Variants in TMEM198 observed in about 807,000 individuals in gnomAD.
TMEM198 encodes the protein transmembrane protein 198.
TMEM198 carries 21 observed loss-of-function variants against 31.5 expected under a neutral mutation model. The ratio of observed to expected loss-of-function variants is 0.67; its 90% CI spans 0.47 to 0.96. TMEM198 has a LOEUF of 0.96. Among genes scored for constraint, TMEM198 ranks in the 40% least tolerant of loss-of-function variants. The pLI, the probability that TMEM198 is intolerant of heterozygous loss-of-function variation, is 0.00. For missense variants in TMEM198, 447 were observed against 499.4 expected (o/e 0.89, Z 1.00); for synonymous variants, 211 against 223.3 (o/e 0.95, Z 0.49).
At chr2:219,546,834 A>G (rs1196054891) in intron 2 of TMEM198, among the ~76,000 whole-genome samples, 1 of 143,048 alleles carries the variant, frequency 7.0e-6, no homozygotes, top group African/African-American at 2.6e-5. Flanking sequence ...GCTGGAATGC[A>G]ATGGTGCGAT....
At chr2:219,548,402 T>A (rs547061919) in intron 3 of TMEM198, among the ~76,000 whole-genome samples, 8 of 152,104 alleles carry the variant, frequency 5.3e-5, no homozygotes, top group Non-Finnish European at 1.0e-4. Context: ...TCCAGTTGTG[T>A]AGAGTGATAT....
At chr2:219,548,412 T>C (rs7597875) in intron 3 of TMEM198, among the ~76,000 whole-genome samples, 73,442 of 152,076 alleles carry the variant, frequency 0.48, 18,646 homozygotes, top group South Asian at 0.75. Context: ...TAGAGTGATA[T>C]GACAGAGACA....
Position 219,544,688 on chromosome 2 carries a change from G to A in TMEM198, c.-39-1G>A, listed in dbSNP as rs373578548. 64 of 1,600,764 alleles carry A rather than the reference G, an allele frequency of 4.0e-5. No individual in the cohort carries two copies. Among genetic ancestry groups the A allele is most frequent in the Non-Finnish European group, 5.1e-5 (60 of 1,171,552 alleles). On this transcript the variant is annotated splice_acceptor_variant, in intron 1 of 4. Transcript: ENST00000373883. LOFTEE classifies it low-confidence loss of function (5UTR_SPLICE). ...CGTGACCCCAACTTTCCCTCTGTCA[G>A]GTTAACTTGGGAGGGTGACTCCCTT...
Position 219,548,034 on chromosome 2 carries a change from T to C in TMEM198, c.695T>C (p.Val232Ala). The stretch of plus-strand genomic sequence containing the variant: ...TGGCCCCTGCTCAGCCTGATGGGCG[T>C]TCTGGTGCAGTGGAGGGTGACAGCT... Reference protein sequence around the residue: ...ALWPLLSLMGVLVQWRVTAEG... With the variant: ...ALWPLLSLMGALVQWRVTAEG... Residue 232 changes from valine (V) to alanine (A), a missense_variant, in exon 3 of 5, where the codon GTT becomes GCT. Coordinates refer to ENST00000373883, the MANE Select transcript of TMEM198 (RefSeq NM_001005209.3). 1 of 1,587,754 alleles carries C rather than the reference T, an allele frequency of 6.3e-7. No homozygotes were observed. Among genetic ancestry groups the C allele is most frequent in the Non-Finnish European group, 8.5e-7 (1 of 1,170,126 alleles).
At chr2:219,549,033 G>C in intron 3 of TMEM198, 119 bp from the exon 4 acceptor site, 1 of 1,080,762 alleles carries the variant, frequency 9.3e-7, no homozygotes, top group Non-Finnish European at 1.4e-6. Flanking sequence ...GTGGGAGTAA[G>C]GGGTTATGGA....
Position 219,549,233 on chromosome 2 carries a change from A to G in TMEM198, c.824A>G (p.Lys275Arg). 5 of 1,614,014 alleles carry G rather than the reference A, an allele frequency of 3.1e-6. No individual in the cohort carries two copies. The highest frequency in any genetic ancestry group is 4.2e-6 in the Non-Finnish European group (5 of 1,180,030). The change falls in exon 4 of 5, where the codon AAG becomes AGG. Residue 275 changes from lysine to arginine, a missense_variant. By Grantham distance (26) the Lys-to-Arg change is conservative. Transcript: ENST00000373883. ...QEDRKEKRRK[K>R]RPPRAPLRGP... Reference sequence around the variant, plus strand: ...GATCGCAAGGAGAAAAGGCGGAAAAAGAGACCTCCTCGGGCTCCCCTCAGA... The same window carrying G: ...GATCGCAAGGAGAAAAGGCGGAAAAGGAGACCTCCTCGGGCTCCCCTCAGA...
chr2:219,548,026 G>C lies in TMEM198; in HGVS notation c.687G>C (p.Leu229=). 1 of 1,590,350 alleles carries C rather than the reference G, an allele frequency of 6.3e-7. No individual in the cohort carries two copies. Among genetic ancestry groups the C allele is most frequent in the Non-Finnish European group, 8.5e-7 (1 of 1,172,038 alleles). Residue 229 remains leucine, a synonymous_variant, in exon 3 of 5, where the codon CTG becomes CTC. Transcript: ENST00000373883. The stretch of plus-strand genomic sequence containing the variant: ...TGGCACTCTGGCCCCTGCTCAGCCT[G>C]ATGGGCGTTCTGGTGCAGTGGAGGG... ...ALLALWPLLS[L]MGVLVQWRVT... is the part of the protein sequence containing the mutation.
rs763043921 is a variant in TMEM198 at position 219,547,677 on chromosome 2, T to C, written c.338T>C (p.Val113Ala). 1 of 1,548,788 alleles carries C rather than the reference T, an allele frequency of 6.5e-7. No individual in the cohort carries two copies. The highest frequency in any genetic ancestry group is 8.7e-7 in the Non-Finnish European group (1 of 1,149,240). ...GLLCGLVAML[V>A]RSVGLFLVGL... ...CTCTGCGGGCTGGTGGCCATGCTAG[T>C]GCGCAGCGTGGGCCTCTTCCTGGTG... The change falls in exon 3 of 5, where the codon GTG becomes GCG. Residue 113 changes from valine (V) to alanine (A), a missense_variant. Coordinates refer to ENST00000373883, the MANE Select transcript of TMEM198 (RefSeq NM_001005209.3).
chr2:219,550,581 G>A lies in TMEM198; in HGVS notation c.*727G>A, dbSNP rs752277664. The A allele has an allele frequency of 1.6e-5, 9 of 550,556 alleles. No homozygotes were observed. The highest frequency in any genetic ancestry group is 2.6e-5 in the Non-Finnish European group (8 of 307,812). 34.1% of individuals were successfully genotyped at this position (550,556 alleles called of 1,614,324 possible). On this transcript the variant is annotated 3_prime_UTR_variant, in exon 5 of 5. Coordinates refer to ENST00000373883, the MANE Select transcript of TMEM198 (RefSeq NM_001005209.3). ...CTTTTATAAATGTGCCAAACTGTGTGGCCTCTGCCAGGAATGGTGGTCTTT... is the reference window on the plus strand; with the variant it reads ...CTTTTATAAATGTGCCAAACTGTGTAGCCTCTGCCAGGAATGGTGGTCTTT...
chr2:219,546,663 T>G (rs1559126526), intron 2 of TMEM198, among the ~76,000 whole-genome samples: 1 of 152,164 alleles, frequency 6.6e-6, no homozygotes, highest in Non-Finnish European at 1.5e-5. Context: ...AACTCCCCAG[T>G]AATGCTGCTA....
chr2:219,547,870 C>G lies in TMEM198; in HGVS notation c.531C>G (p.Ala177=), dbSNP rs771239094. The change falls in exon 3 of 5, where the codon GCC becomes GCG. Residue 177 remains alanine (A), a synonymous_variant. Transcript: ENST00000373883. ...WPRPLTTLAT[A]VTGAALIATA... ...GCCCACTCACCACCCTGGCCACCGC[C>G]GTGACTGGTGCTGCGCTGATCGCCA... 1 of 1,590,812 alleles carries G rather than the reference C, an allele frequency of 6.3e-7. No individual in the cohort carries two copies. The highest frequency in any genetic ancestry group is 8.5e-7 in the Non-Finnish European group (1 of 1,174,198).
At position 219,549,295 on chromosome 2, in the gene TMEM198, C is replaced by A. The variant is rs755804395; in HGVS notation, c.886C>A (p.Pro296Thr). The change falls in exon 4 of 5, where the codon CCT becomes ACT. Residue 296 changes from proline (P) to threonine (T), a missense_variant. Coordinates refer to ENST00000373883, the MANE Select transcript of TMEM198 (RefSeq NM_001005209.3). Reference sequence around the variant, plus strand: ...TCCTCCCAGGCCTGGGCCACCAGACCCTGCTTATCGGCGCAGGCCAGTGCC... The same window carrying A: ...TCCTCCCAGGCCTGGGCCACCAGACACTGCTTATCGGCGCAGGCCAGTGCC... ...RAPPRPGPPD[P>T]AYRRRPVPIK... The A allele has an allele frequency of 2.5e-6, 4 of 1,613,910 alleles. No individual in the cohort carries two copies. In the South Asian group the frequency reaches 4.4e-5, roughly 18 times the overall value.
intron 2 of TMEM198, 79 bp downstream of exon 2, chr2:219,544,972 T>C: frequency 6.6e-7 from 1 of 1,509,632 alleles, no homozygotes; most frequent in Non-Finnish European, 9.1e-7. Flanking sequence ...AAGTCTTCTC[T>C]GAATCCCTCT....
upstream of TMEM198, chr2:219,543,873 G>C (rs1695332881): frequency 7.9e-6 from 3 of 382,004 alleles, no homozygotes; most frequent in African/African-American, 6.5e-5. Flanking sequence ...AGAAGGGGGA[G>C]GTTAAAGGGG....
chr2:219,548,936 CA>C (rs56198734), intron 3 of TMEM198: 147,901 of 578,120 alleles, frequency 0.26, 21,168 homozygotes, highest in East Asian at 0.42. Context: ...GGAAGCCTAG[CA>C]ACCTTCCATA....
intron 4 of TMEM198, among the ~76,000 whole-genome samples, 161 bp from the exon 5 acceptor site, chr2:219,549,556 T>G (rs555886358): frequency 6.6e-6 from 1 of 152,072 alleles, no homozygotes; most frequent in South Asian, 2.1e-4. Flanking sequence ...TTCCTGAGTA[T>G]GGGTTTTAAG....
At chr2:219,543,892 C>T, upstream of TMEM198, 1 of 346,320 alleles carries the variant, frequency 2.9e-6, no homozygotes, top group South Asian at 2.7e-5. Flanking sequence ...GGAAGGACCC[C>T]CGGAAGTGCC....
chr2:219,549,759 C>T lies in TMEM198; in HGVS notation c.988C>T (p.Leu330=), dbSNP rs768889415. The change falls in exon 5 of 5, where the codon CTG becomes TTG. Residue 330 remains leucine (L), a synonymous_variant. Transcript: ENST00000373883. ...CCGAGACCGGCAGACCGGGAGCTCCCTGAGCTCCTTCATGGCCTCACCCAC... is the reference window on the plus strand; with the variant it reads ...CCGAGACCGGCAGACCGGGAGCTCCTTGAGCTCCTTCATGGCCTCACCCAC... ...SFRDRQTGSS[L]SSFMASPTDA... 4.3e-6 allele frequency: 7 copies of T among 1,614,144 alleles called. No individual in the cohort carries two copies. The South Asian group carries it at 6.6e-5, about 15-fold the overall frequency.
At position 219,549,843 on chromosome 2, in the gene TMEM198, G is replaced by T. The variant is rs764888043; in HGVS notation, c.1072G>T (p.Val358Leu). 2 of 1,614,086 alleles carry T rather than the reference G, an allele frequency of 1.2e-6. No homozygotes were observed. The highest frequency in any genetic ancestry group is 1.7e-5 in the Admixed American group (1 of 60,026). ...GPLTACSGPP[V>L]RV Reference sequence around the variant, plus strand: ...TCTGACAGCCTGCTCAGGCCCCCCAGTGCGGGTATAGCCATATCTGTCTGT... The same window carrying T: ...TCTGACAGCCTGCTCAGGCCCCCCATTGCGGGTATAGCCATATCTGTCTGT... Residue 358 changes from valine (V) to leucine (L), a missense_variant, in exon 5 of 5, where the codon GTG becomes TTG. Transcript: ENST00000373883.
Sources: allele counts gnomAD v4.1 joint callset (sites outside exome capture counted in the v4.1 genomes callset), GRCh38; gene constraint gnomAD v4.1.1; transcripts MANE v1.5; gene names NCBI Gene and HGNC (gene_info 2026-07-23, HGNC 2026-07-21).